Variants in MASTL observed in about 807,000 individuals in gnomAD.
The protein encoded by MASTL is microtubule associated serine/threonine kinase like.
Under a neutral mutation model 82.5 loss-of-function variants are expected in MASTL, and 54 were observed. The ratio of observed to expected loss-of-function variants is 0.65; its 90% CI spans 0.53 to 0.82. MASTL has a LOEUF of 0.82. Ranked by LOEUF, MASTL falls within the 40% of genes least tolerant of loss-of-function variation. The pLI is 0.00. For synonymous variants in MASTL, 323 were observed against 368.9 expected, an observed-to-expected ratio of 0.88 and a Z score of 1.43; for missense variants, 950 against 1,047.8, an observed-to-expected ratio of 0.91 and a Z score of 1.29.
Position 27,186,709 on chromosome 10 carries a change from T to A in MASTL, c.*173T>A. ...AGTTAAAAGGCTGAAAGGAATATAG[T>A]CAGTAATTTATCTTAACCTCAAAAC... On this transcript the variant is annotated 3_prime_UTR_variant, in exon 12 of 12. Coordinates refer to ENST00000375940, the MANE Select transcript of MASTL (RefSeq NM_001172303.3). 1.6e-6 allele frequency: 1 copy of A among 644,244 alleles called. No individual in the cohort carries two copies. Among genetic ancestry groups the A allele is most frequent in the Non-Finnish European group, 2.7e-6 (1 of 366,728 alleles). The allele number at this position is 644,244 out of a possible 1,614,324, so 39.9% of individuals were successfully genotyped here.
chr10:27,162,344 ATGAT>A (rs1276791369), intron 4 of MASTL, among the ~76,000 whole-genome samples: 2 of 152,336 alleles, frequency 1.3e-5, no homozygotes, highest in African/African-American at 2.4e-5. Flanking sequence ...ACATGGATAA[ATGAT>A]TGATTATCAA....
chr10:27,169,928 T>C lies in MASTL; in HGVS notation c.985-16T>C. The C allele has an allele frequency of 6.2e-7, 1 of 1,612,988 alleles. No individual in the cohort carries two copies. Among genetic ancestry groups the C allele is most frequent in the African/African-American group, 1.3e-5 (1 of 74,996 alleles). ...CAGCTTTATATAACTAAAACAAATATTTTTTTCCCTCTTAGGAAAGTGATG... is the reference window on the plus strand; with the variant it reads ...CAGCTTTATATAACTAAAACAAATACTTTTTTCCCTCTTAGGAAAGTGATG... On this transcript the variant is annotated splice_polypyrimidine_tract_variant and intron_variant, in intron 7 of 11. Coordinates refer to ENST00000375940, the MANE Select transcript of MASTL (RefSeq NM_001172303.3).
At chr10:27,179,398 C>T (rs1209089041) in intron 9 of MASTL, among the ~76,000 whole-genome samples, 1 of 151,950 alleles carries the variant, frequency 6.6e-6, no homozygotes, top group East Asian at 1.9e-4. Context: ...ACTAAAAATA[C>T]AGAAAAAAAT....
intron 9 of MASTL, among the ~76,000 whole-genome samples, chr10:27,176,237 G>A (rs2058098505): frequency 1.3e-5 from 2 of 152,116 alleles, no homozygotes; most frequent in African/African-American, 4.8e-5. Flanking sequence ...TTAGATCTCT[G>A]CAGCATTTCA....
In MASTL at chr10:27,155,391, G is replaced by T; in HGVS notation, c.-36G>T. The T allele has an allele frequency of 6.4e-7, 1 of 1,562,960 alleles. No individual in the cohort carries two copies. Among genetic ancestry groups the T allele is most frequent in the East Asian group, 2.4e-5 (1 of 42,122 alleles). On this transcript the variant is annotated 5_prime_UTR_variant, in exon 1 of 12. Coordinates refer to ENST00000375940, the MANE Select transcript of MASTL (RefSeq NM_001172303.3). ...TGGCGGGAGTGGCTGCTCGCGGAGGGGCAGTGTCTGCGGGGCCGCTGTATG... is the reference window on the plus strand; with the variant it reads ...TGGCGGGAGTGGCTGCTCGCGGAGGTGCAGTGTCTGCGGGGCCGCTGTATG...
At chr10:27,155,724 G>A (rs1236919917) in intron 1 of MASTL, 112 bp downstream of exon 1, 2 of 1,200,916 alleles carry the variant, frequency 1.7e-6, no homozygotes, top group Non-Finnish European at 2.4e-6. Flanking sequence ...GGGTGGCCTG[G>A]CTTGCTGAAG....
Position 27,170,124 on chromosome 10 carries a change from G to A in MASTL, c.1165G>A (p.Ala389Thr). The A allele has an allele frequency of 6.2e-7, 1 of 1,614,122 alleles. No individual in the cohort carries two copies. The highest frequency in any genetic ancestry group is 8.5e-7 in the Non-Finnish European group (1 of 1,180,014). The change falls in exon 8 of 12, where the codon GCT (alanine) becomes ACT (threonine). Residue 389 changes from alanine to threonine, a missense_variant. Physicochemically the swap from Ala to Thr is moderately conservative, Grantham distance 58. Coordinates refer to ENST00000375940, the MANE Select transcript of MASTL (RefSeq NM_001172303.3). The stretch of plus-strand genomic sequence containing the variant: ...CACTGGACGCTCTTGTGTAAACCTT[G>A]CTAAAAAATGCTTCTCTGGGGAAGT... ...PTTGRSCVNL[A>T]KKCFSGEVSW...
intron 7 of MASTL, among the ~76,000 whole-genome samples, chr10:27,168,767 A>C (rs2057821059): frequency 6.6e-6 from 1 of 152,206 alleles, no homozygotes; most frequent in Non-Finnish European, 1.5e-5. Context: ...CAGTGAGCGG[A>C]CATCATGCCT....
At chr10:27,162,547 T>C (rs1292744899) in intron 4 of MASTL, among the ~76,000 whole-genome samples, 2 of 152,096 alleles carry the variant, frequency 1.3e-5, no homozygotes, top group African/African-American at 4.8e-5. Context: ...CACACGCCTG[T>C]AGTCCCAGCT....
At chr10:27,158,831 A>G in intron 2 of MASTL, 145 bp downstream of exon 2, 3 of 812,602 alleles carry the variant, frequency 3.7e-6, no homozygotes, top group South Asian at 1.5e-5. Context: ...CTGTTATATT[A>G]GTTAGAGTTC....
Position 27,170,182 on chromosome 10 carries a change from A to T in MASTL, c.1223A>T (p.Asn408Ile). 6.2e-7 allele frequency: 1 copy of T among 1,614,212 alleles called. No individual in the cohort carries two copies. The highest frequency in any genetic ancestry group is 8.5e-7 in the Non-Finnish European group (1 of 1,180,044). Residue 408 changes from asparagine (N) to isoleucine (I), a missense_variant, in exon 8 of 12, where the codon AAT (asparagine) becomes ATT (isoleucine). Transcript: ENST00000375940. ...SWEAVELDVN[N>I]INMDTDTSQL... ...GAAGCAGTAGAACTGGATGTAAATA[A>T]TATAAATATGGACACTGACACAAGT...
At chr10:27,154,513 AG>A (rs1307080984), upstream of MASTL, 1 of 510,448 alleles carries the variant, frequency 2.0e-6, no homozygotes, top group African/African-American at 1.9e-5. Flanking sequence ...GCGCCCCCAA[AG>A]GTCTTTAGCT....
At chr10:27,169,742 G>A (rs746307521) in intron 7 of MASTL, among the ~76,000 whole-genome samples, 9 of 152,044 alleles carry the variant, frequency 5.9e-5, no homozygotes, top group Non-Finnish European at 8.8e-5. Flanking sequence ...AGTTTAGACC[G>A]TTTCATTCAG....
chr10:27,155,256 A>C (rs758397665), upstream of MASTL: 11 of 664,722 alleles, frequency 1.7e-5, no homozygotes, highest in South Asian at 1.9e-4. Flanking sequence ...GGCTTTCCCG[A>C]CGCCCCCTCC....
chr10:27,182,930 GAGCCA>G (rs939890682), intron 11 of MASTL, among the ~76,000 whole-genome samples: 3 of 152,020 alleles, frequency 2.0e-5, no homozygotes, highest in Admixed American at 6.6e-5. Flanking sequence ...TTACAGGTGT[GAGCCA>G]CCTTGCCTGT....
chr10:27,181,964 A>G lies in MASTL; in HGVS notation c.2482+383A>G, dbSNP rs1588742339. The stretch of plus-strand genomic sequence containing the variant: ...GTGGCGGGTGCCTGTAGTCCCAGCG[A>G]CTTGGGAGGCTGAGGCAGGAGAATG... On this transcript the variant is annotated intron_variant, in intron 11 of 11. Transcript: ENST00000375940. 2.6e-5 allele frequency among the ~76,000 whole-genome samples: 4 copies of G among 151,400 alleles called. 1 individual carries two copies. Among genetic ancestry groups the G allele is most frequent in the African/African-American group, 9.7e-5 (4 of 41,274 alleles).
intron 3 of MASTL, among the ~76,000 whole-genome samples, chr10:27,160,625 C>G (rs1479490496): frequency 6.6e-6 from 1 of 151,846 alleles, no homozygotes; most frequent in Admixed American, 6.6e-5. Context: ...GTGGTGGGTG[C>G]CTGTAATCCC....
At chr10:27,173,376 C>T in intron 9 of MASTL, 117 bp downstream of exon 9, 4 of 1,116,666 alleles carry the variant, frequency 3.6e-6, no homozygotes, top group Admixed American at 1.8e-5. Context: ...AGAAAATGAA[C>T]TCATCTAGTA....
chr10:27,158,969 A>G (rs1157788170), intron 2 of MASTL, among the ~76,000 whole-genome samples: 1 of 152,254 alleles, frequency 6.6e-6, no homozygotes, highest in African/African-American at 2.4e-5. Flanking sequence ...AGAGGCTGAG[A>G]CAGAAAGATC....
Sources: allele counts gnomAD v4.1 joint callset (sites outside exome capture counted in the v4.1 genomes callset), GRCh38; gene constraint gnomAD v4.1.1; transcripts MANE v1.5; gene names NCBI Gene and HGNC (gene_info 2026-07-23, HGNC 2026-07-21).